Variants in KLHL1 observed in about 807,000 individuals in gnomAD.
KLHL1 encodes the protein kelch like family member 1.
KLHL1 carries 47 observed loss-of-function variants against 77.7 expected under a neutral mutation model. The observed-to-expected ratio is 0.60, with a 90% CI of 0.48 to 0.77. The LOEUF (loss-of-function observed/expected upper bound fraction) is 0.77, where lower values mean the gene tolerates loss of function less well. Ranked by LOEUF, KLHL1 falls within the 30% of genes least tolerant of loss-of-function variation. The pLI is 0.00. For synonymous variants in KLHL1, 360 were observed against 325.2 expected (o/e 1.11, Z -1.15); for missense variants, 925 against 910.8 (o/e 1.02, Z -0.20).
At chr13:69,813,135 T>C (rs1286468428) in intron 6 of KLHL1, among the ~76,000 whole-genome samples, 1 of 152,088 alleles carries the variant, frequency 6.6e-6, no homozygotes, top group Non-Finnish European at 1.5e-5. Flanking sequence ...CATGGAATAC[T>C]ATGCAGCCAT....
intron 4 of KLHL1, among the ~76,000 whole-genome samples, chr13:69,911,732 T>C (rs1477092078): frequency 2.5e-4 from 38 of 152,102 alleles, no homozygotes; most frequent in Non-Finnish European, 2.9e-4. Context: ...ATGAAGCATA[T>C]AGTTGAGCCA....
intron 1 of KLHL1, among the ~76,000 whole-genome samples, chr13:70,093,057 C>A (rs1566569438): frequency 1.3e-5 from 2 of 152,066 alleles, no homozygotes; most frequent in African/African-American, 4.8e-5. Flanking sequence ...ACATTAATGA[C>A]TTCCACTTTT....
intron 4 of KLHL1, chr13:69,895,196 A>G: frequency 2.0e-6 from 1 of 492,662 alleles, no homozygotes. Flanking sequence ...TTTAACAGGC[A>G]CTGAATGTGA....
At chr13:70,028,533 A>G (rs571512999) in intron 1 of KLHL1, among the ~76,000 whole-genome samples, 1 of 152,280 alleles carries the variant, frequency 6.6e-6, no homozygotes, top group South Asian at 2.1e-4. Flanking sequence ...GCAGTCTAGG[A>G]ATTCTGCCTG....
Position 70,095,694 on chromosome 13 carries a change from T to A in KLHL1, c.497+11509A>T, listed in dbSNP as rs150694879. ...TTATTTGTGTTAGAAACATTCCAAT[T>A]CCACTCTTTTAGTTATTTTGAGAGG... On this transcript the variant is annotated intron_variant, in intron 1 of 10. Transcript: ENST00000377844. Among the ~76,000 whole-genome samples, 99 of 152,234 alleles carry A rather than the reference T, an allele frequency of 6.5e-4. 5 individuals are homozygous for A. The East Asian group carries it at 0.016, about 25-fold the overall frequency.
intron 5 of KLHL1, among the ~76,000 whole-genome samples, chr13:69,859,383 G>C (rs892118089): frequency 2.6e-5 from 4 of 151,926 alleles, no homozygotes; most frequent in African/African-American, 7.2e-5. Flanking sequence ...CAGAAGGTCA[G>C]GGGGTGAGAG....
chr13:70,003,147 TAAC>T, intron 1 of KLHL1, among the ~76,000 whole-genome samples: 1 of 151,748 alleles, frequency 6.6e-6, no homozygotes, highest in South Asian at 2.1e-4. Context: ...CAAACTGAAA[TAAC>T]AATTATGAGC....
intron 2 of KLHL1, among the ~76,000 whole-genome samples, chr13:69,967,525 T>C (rs189288205): frequency 6.6e-6 from 1 of 152,304 alleles, no homozygotes; most frequent in Non-Finnish European, 1.5e-5. Context: ...AAAATGATTC[T>C]TGAGATGGTG....
intron 3 of KLHL1, among the ~76,000 whole-genome samples, chr13:69,952,328 A>C (rs569438009): frequency 6.6e-6 from 1 of 151,410 alleles, no homozygotes; most frequent in African/African-American, 2.4e-5. Context: ...GAATAAACTT[A>C]TATTTTAGAC....
At position 70,107,365 on chromosome 13, in the gene KLHL1, G is replaced by A; in HGVS notation, c.335C>T (p.Thr112Ile). The A allele has an allele frequency of 1.2e-6, 2 of 1,614,060 alleles. No homozygotes were observed. Among genetic ancestry groups the A allele is most frequent in the South Asian group, 2.2e-5 (2 of 91,090 alleles). Residue 112 changes from threonine to isoleucine, a missense_variant, in exon 1 of 11, where the codon ACT becomes ATT. By Grantham distance (89) the Thr-to-Ile change is moderately conservative (BLOSUM62 -1). Coordinates refer to ENST00000377844, the MANE Select transcript of KLHL1 (RefSeq NM_020866.3). ...GAAGAGAGTCCTGGCTGGCTGCTGA[G>A]TGCCCTGCCCAGGAGCCCCTTGCTG... ...RLQQGAPGQG[T>I]QQPARTLFYV... is the part of the protein sequence containing the mutation.
intron 1 of KLHL1, among the ~76,000 whole-genome samples, chr13:70,046,832 C>T (rs888975256): frequency 1.3e-5 from 2 of 152,068 alleles, no homozygotes; most frequent in African/African-American, 2.4e-5. Flanking sequence ...TTATACCTTA[C>T]CCCACCAAGT....
intron 1 of KLHL1, among the ~76,000 whole-genome samples, chr13:70,022,116 A>G (rs974266924): frequency 2.0e-5 from 3 of 151,968 alleles, no homozygotes; most frequent in Non-Finnish European, 2.9e-5. Context: ...TTTGCCTTTT[A>G]CAAGTAGACC....
chr13:69,913,832 G>T (rs1052233415), intron 4 of KLHL1, among the ~76,000 whole-genome samples: 2 of 152,106 alleles, frequency 1.3e-5, no homozygotes, highest in Admixed American at 1.3e-4. Context: ...GTGTCAGCTT[G>T]ATTAGATTGA....
At chr13:70,027,665 T>TTTTTTTTTG (rs57773730) in intron 1 of KLHL1, among the ~76,000 whole-genome samples, 1 of 151,052 alleles carries the variant, frequency 6.6e-6, no homozygotes, top group Admixed American at 6.6e-5. Flanking sequence ...TTTTTTTTTT[T>TTTTTTTTTG]ATGAACTGAA....
At chr13:70,020,200 A>T (rs1885754318) in intron 1 of KLHL1, among the ~76,000 whole-genome samples, 1 of 152,176 alleles carries the variant, frequency 6.6e-6, no homozygotes, top group African/African-American at 2.4e-5. Flanking sequence ...ATTTAAGGAA[A>T]ACCAAAGTTA....
intron 5 of KLHL1, among the ~76,000 whole-genome samples, chr13:69,873,185 A>G (rs1880646987): frequency 6.6e-6 from 1 of 152,294 alleles, no homozygotes; most frequent in Admixed American, 6.5e-5. Context: ...TAGTGAACTA[A>G]TGTTAGTCAA....
intron 1 of KLHL1, among the ~76,000 whole-genome samples, chr13:70,055,834 A>C (rs1287031792): frequency 1.3e-5 from 2 of 152,126 alleles, no homozygotes; most frequent in Admixed American, 1.3e-4. Flanking sequence ...CAAAAAAATA[A>C]AAAGCAAGAA....
chr13:69,955,996 G>GATATATATTTATATATTTGAT (rs1883861625), intron 3 of KLHL1, among the ~76,000 whole-genome samples: 1 of 119,434 alleles, frequency 8.4e-6, no homozygotes, highest in African/African-American at 3.2e-5. Flanking sequence ...ATATTTATTT[G>GATATATATTTATATATTTGAT]ATATATATTT....
chr13:70,060,534 T>C (rs1370382625), intron 1 of KLHL1, among the ~76,000 whole-genome samples: 1 of 107,702 alleles, frequency 9.3e-6, no homozygotes, highest in Non-Finnish European at 2.0e-5. Flanking sequence ...AACAGACAAA[T>C]AGACAAAAAA....
Sources: gnomAD v4.1 joint callset for allele counts (sites outside exome capture counted in the v4.1 genomes callset) on GRCh38, gnomAD v4.1.1 for gene constraint, MANE v1.5 for transcripts, NCBI Gene and HGNC (gene_info 2026-07-23, HGNC 2026-07-21) for gene names.